RORA: variants seen among roughly 807,000 people sequenced by gnomAD.
RORA encodes the protein nuclear receptor ROR-alpha.
In RORA, 7 loss-of-function variants were observed where a neutral mutation model predicts 69.5. The ratio of observed to expected loss-of-function variants is 0.10; its 90% CI spans 0.06 to 0.19. The LOEUF (loss-of-function observed/expected upper bound fraction) is 0.19, where lower values mean the gene tolerates loss of function less well. Among genes scored for constraint, RORA ranks in the 10% least tolerant of loss-of-function variants. The probability of loss-of-function intolerance (pLI) is 1.00; values close to 1 mark genes in which losing one functional copy is unlikely to be tolerated. For missense variants in RORA, 457 were observed against 663.0 expected (o/e 0.69, Z 3.41); for synonymous variants, 261 against 240.8 (o/e 1.08, Z -0.78).
chr15:61,084,414 T>G (rs912813326), intron 1 of RORA, among the ~76,000 whole-genome samples: 91 of 152,246 alleles, frequency 6.0e-4, no homozygotes, highest in African/African-American at 2.0e-3. Context: ...ACTGACTTTC[T>G]GAGGTCTTTT....
chr15:60,771,296 G>C (rs79347610), intron 1 of RORA, among the ~76,000 whole-genome samples: 1 of 152,122 alleles, frequency 6.6e-6, no homozygotes, highest in Admixed American at 6.5e-5. Flanking sequence ...AGCCTTCCCT[G>C]AACACTCAGC....
intron 2 of RORA, among the ~76,000 whole-genome samples, chr15:60,541,294 G>GT (rs143155220): frequency 0.015 from 2,275 of 152,200 alleles, 49 homozygotes; most frequent in African/African-American, 0.044. Context: ...CATCACAGAT[G>GT]TATTTCTGAA....
chr15:61,217,226 T>A (rs764689906), intron 1 of RORA, among the ~76,000 whole-genome samples: 8 of 152,138 alleles, frequency 5.3e-5, no homozygotes, highest in Admixed American at 6.5e-5. Flanking sequence ...AAACATAAAC[T>A]GTGGTCTTGA....
At chr15:60,659,246 G>A (rs775538427) in intron 2 of RORA, among the ~76,000 whole-genome samples, 3 of 152,178 alleles carry the variant, frequency 2.0e-5, no homozygotes, top group Non-Finnish European at 4.4e-5. Context: ...CAAGATTGGC[G>A]AAGCATGATA....
At chr15:60,841,165 A>T in intron 1 of RORA, 2 of 764,298 alleles carry the variant, frequency 2.6e-6, no homozygotes, top group Non-Finnish European at 3.2e-6. Flanking sequence ...CACAGCTGAC[A>T]CAGCTTGGAG....
At chr15:60,721,286 T>C (rs2071290342) in intron 1 of RORA, among the ~76,000 whole-genome samples, 2 of 152,052 alleles carry the variant, frequency 1.3e-5, no homozygotes, top group East Asian at 3.9e-4. Context: ...AAAATCAGAG[T>C]GATCAGAAAA....
rs1458133330 is a variant in RORA at position 60,493,050 on chromosome 15, T to C, written c.*4405A>G. 5 of 152,194 alleles carry C rather than the reference T, an allele frequency of 3.3e-5. No individual in the cohort carries two copies. Among genetic ancestry groups the C allele is most frequent in the Non-Finnish European group, 2.9e-5 (2 of 68,020 alleles). The allele number at this position is 152,194 out of a possible 1,614,324, so 9.4% of individuals were successfully genotyped here. A position where few individuals can be genotyped will look rare whatever the true frequency, so the allele number is the denominator to read the frequency against. On this transcript the variant is annotated 3_prime_UTR_variant, in exon 11 of 11. Coordinates refer to ENST00000335670, the MANE Select transcript of RORA (RefSeq NM_134261.3). ...AAAATGATAGGGCTTCTATCGTTGATACCAAGATGGATTGTCATTCACAGT... is the reference window on the plus strand; with the variant it reads ...AAAATGATAGGGCTTCTATCGTTGACACCAAGATGGATTGTCATTCACAGT...
intron 1 of RORA, among the ~76,000 whole-genome samples, chr15:60,854,527 A>G (rs2073360530): frequency 1.3e-5 from 2 of 152,226 alleles, no homozygotes; most frequent in South Asian, 2.1e-4. Flanking sequence ...GGGTTGATAT[A>G]TAAAACACTA....
chr15:60,780,383 TG>T (rs2072236038), intron 1 of RORA, among the ~76,000 whole-genome samples: 2 of 152,270 alleles, frequency 1.3e-5, no homozygotes, highest in Admixed American at 1.3e-4. Context: ...GAGAGCCCAG[TG>T]TAGACAGTGA....
intron 1 of RORA, among the ~76,000 whole-genome samples, chr15:61,098,252 CCTT>C (rs1360939815): frequency 1.4e-5 from 2 of 147,634 alleles, no homozygotes; most frequent in South Asian, 2.3e-4. Flanking sequence ...CTCCCTCCCC[CCTT>C]TTTTTCTCCC....
intron 1 of RORA, among the ~76,000 whole-genome samples, chr15:60,896,960 T>C (rs947150435): frequency 3.3e-5 from 5 of 151,990 alleles, no homozygotes; most frequent in African/African-American, 9.7e-5. Flanking sequence ...CAGGGAGAGA[T>C]GGTCAGGACA....
chr15:60,554,765 G>A (rs1226987371), intron 2 of RORA, among the ~76,000 whole-genome samples: 2 of 151,934 alleles, frequency 1.3e-5, no homozygotes, highest in South Asian at 2.1e-4. Context: ...TGACACATAC[G>A]GTCACCTGTT....
At position 60,801,829 on chromosome 15, in the gene RORA, A is replaced by G. The variant is rs1220819258; in HGVS notation, c.167-123143T>C. ...TTGTGTGGAATAATCCCTTAACTGT[A>G]TGGTATAAAATTTGTTAATATAAAA... On this transcript the variant is annotated intron_variant, in intron 1 of 10. Transcript: ENST00000335670. Among the ~76,000 whole-genome samples the G allele has an allele frequency of 3.3e-5, 5 of 152,236 alleles. No individual in the cohort carries two copies. The South Asian group carries it at 8.3e-4, about 25-fold the overall frequency.
At chr15:60,714,917 A>G (rs2071200189) in intron 1 of RORA, among the ~76,000 whole-genome samples, 1 of 152,174 alleles carries the variant, frequency 6.6e-6, no homozygotes, top group Non-Finnish European at 1.5e-5. Flanking sequence ...AGAGCCATCC[A>G]ATCCCTGAGA....
chr15:60,497,069 T>A lies in RORA; in HGVS notation c.*386A>T, dbSNP rs1225594035. The stretch of plus-strand genomic sequence containing the variant: ...CCGCAACCTCCGCTATGCACACCAG[T>A]CACCGATTATTGCTGGACTCTCTGT... On this transcript the variant is annotated 3_prime_UTR_variant, in exon 11 of 11. Coordinates refer to ENST00000335670, the MANE Select transcript of RORA (RefSeq NM_134261.3). 1 of 164,594 alleles carries A rather than the reference T, an allele frequency of 6.1e-6. No individual in the cohort carries two copies. Among genetic ancestry groups the A allele is most frequent in the East Asian group, 1.7e-4 (1 of 5,902 alleles). 10.2% of individuals were successfully genotyped at this position (164,594 alleles called of 1,614,324 possible).
chr15:60,882,798 C>G (rs2073699686), intron 1 of RORA, among the ~76,000 whole-genome samples: 1 of 152,074 alleles, frequency 6.6e-6, no homozygotes, highest in African/African-American at 2.4e-5. Context: ...TGGTTTGTTA[C>G]TTTTGTTTTG....
At chr15:61,143,636 G>A (rs1290439439) in intron 1 of RORA, among the ~76,000 whole-genome samples, 3 of 152,154 alleles carry the variant, frequency 2.0e-5, no homozygotes, top group African/African-American at 4.8e-5. Flanking sequence ...AGAAACATTT[G>A]TTATATAATA....
intron 1 of RORA, among the ~76,000 whole-genome samples, chr15:61,072,465 C>T (rs1051506037): frequency 2.0e-5 from 3 of 152,164 alleles, no homozygotes; most frequent in South Asian, 2.1e-4. Flanking sequence ...GAAGTTATAA[C>T]TCTAAATGCT....
intron 1 of RORA, among the ~76,000 whole-genome samples, chr15:60,860,142 C>G (rs1380533533): frequency 6.6e-6 from 1 of 152,146 alleles, no homozygotes; most frequent in Non-Finnish European, 1.5e-5. Context: ...GTTTCTGACT[C>G]AATGGTCCGG....
Sources: gnomAD v4.1 joint callset for allele counts (sites outside exome capture counted in the v4.1 genomes callset) on GRCh38, gnomAD v4.1.1 for gene constraint, MANE v1.5 for transcripts, NCBI Gene and HGNC (gene_info 2026-07-23, HGNC 2026-07-21) for gene names.